The following TNXB variants were observed in gnomAD, a reference collection of about 807,000 sequenced individuals.
TNXB encodes the protein tenascin XB, also known as tenascin-X.
A neutral mutation model predicts 340.5 loss-of-function variants in TNXB; 183 were observed. The ratio of observed to expected loss-of-function variants is 0.54; its 90% confidence interval spans 0.48 to 0.61. The LOEUF is 0.61. Ranked by LOEUF, TNXB falls within the 20% of genes least tolerant of loss-of-function variation. The pLI, the probability that TNXB is intolerant of heterozygous loss-of-function variation, is 0.00. For missense variants in TNXB, 4,613 were observed against 5,446.4 expected (o/e 0.85, Z 4.82); for synonymous variants, 2,121 against 2,314.5 (o/e 0.92, Z 2.40).
intron 1 of TNXB, among the ~76,000 whole-genome samples, chr6:32,102,918 C>CA (rs1223733064): frequency 6.6e-6 from 1 of 151,460 alleles, no homozygotes; most frequent in Non-Finnish European, 1.5e-5. Flanking sequence ...GACTCTATGT[C>CA]AAAAAACAAA....
intron 4 of TNXB, among the ~76,000 whole-genome samples, chr6:32,094,751 C>T (rs564163046): frequency 7.9e-5 from 12 of 152,270 alleles, no homozygotes; most frequent in African/African-American, 9.6e-5. Flanking sequence ...CTAGGGCCAA[C>T]GGACAGGTGC....
In TNXB at chr6:32,061,827, A is replaced by C; in HGVS notation, c.7169-107T>G. The C allele has an allele frequency of 6.9e-7, 1 of 1,438,958 alleles. No individual in the cohort carries two copies. The highest frequency in any genetic ancestry group is 9.3e-7 in the Non-Finnish European group (1 of 1,069,578). 89.1% of individuals were successfully genotyped at this position (1,438,958 alleles called of 1,614,324 possible). A position where few individuals can be genotyped will look rare whatever the true frequency, so the allele number is the denominator to read the frequency against. On this transcript the variant is annotated intron_variant, in intron 20 of 43. Coordinates refer to ENST00000644971, the MANE Select transcript of TNXB (RefSeq NM_001365276.2). The surrounding 1 kb of genome is among the most constrained non-coding windows in gnomAD (Gnocchi z 4.4). ...TGACTAGGGGACATATGAAATAGCC[A>C]AGGCTATGACTAGGGGACCTGAGGT...
chr6:32,067,968 G>A lies in TNXB; in HGVS notation c.6237C>T (p.Thr2079=), dbSNP rs760066919. The A allele has an allele frequency of 5.0e-6, 8 of 1,611,460 alleles. No homozygotes were observed. Among genetic ancestry groups the A allele is most frequent in the South Asian group, 1.1e-5 (1 of 91,028 alleles). ...VVGVTAAEEE[T]PSPTEPSMEA... ...CCATGCTGGGTTCTGTGGGGCTGGG[G>A]GTCTCTTCCTCTGCAGCTGAGAAGG... Residue 2079 remains threonine, a synonymous_variant, in exon 18 of 44, where the codon ACC becomes ACT. Transcript: ENST00000644971. The surrounding 1 kb of genome is among the most constrained non-coding windows in gnomAD (Gnocchi z 4.2).
Position 32,058,167 on chromosome 6 carries a change from C to A in TNXB, c.7716G>T (p.Glu2572Asp). The change falls in exon 22 of 44, where the codon GAG (glutamate) becomes GAT (aspartate). Residue 2572 changes from glutamate to aspartate, a missense_variant. Glu to Asp is a conservative substitution (Grantham distance 45, BLOSUM62 2). Around this residue, in one of 7 missense-constraint regions of TNXB, gnomAD observed 4,327 missense variants for 4,859.4 expected, o/e 0.89. Transcript: ENST00000644971. This position sits in a 1 kb window ranked among gnomAD's most constrained non-coding sequence, Gnocchi z 5.1. ...RPQAVRVGGQ[E>D]SKVTVRGLEP... is the part of the protein sequence containing the mutation. Reference sequence around the variant, plus strand: ...CCAGGCCCCTCACAGTGACCTTGCTCTCCTGGCCCCCAACACGCACCGCCT... The same window carrying A: ...CCAGGCCCCTCACAGTGACCTTGCTATCCTGGCCCCCAACACGCACCGCCT... 2 of 1,612,666 alleles carry A rather than the reference C, an allele frequency of 1.2e-6. No individual in the cohort carries two copies. Among genetic ancestry groups the A allele is most frequent in the South Asian group, 1.1e-5 (1 of 91,056 alleles).
At chr6:32,057,073 A>C (rs1777706644) in intron 22 of TNXB, among the ~76,000 whole-genome samples, 170 bp from the exon 23 acceptor site, 1 of 150,706 alleles carries the variant, frequency 6.6e-6, no homozygotes, top group Non-Finnish European at 1.5e-5. Context: ...CCTATCCCTC[A>C]CCCTGACCCT....
chr6:32,057,274 C>T (rs965986266), intron 22 of TNXB, among the ~76,000 whole-genome samples: 1 of 152,212 alleles, frequency 6.6e-6, no homozygotes, highest in African/African-American at 2.4e-5. Flanking sequence ...GCTCAGCACA[C>T]TCCTCCCGAG....
chr6:32,048,544 G>T lies in TNXB; in HGVS notation c.9864C>A (p.Pro3288=). 1.9e-6 allele frequency: 3 copies of T among 1,574,016 alleles called. No homozygotes were observed. In the Admixed American group the frequency reaches 5.2e-5, roughly 27 times the overall value. ...TGTACTGTACCAGGAAGGAGTCAAA[G>T]GGGCCCTGGGCCACCGTCCATGAGA... ...VGLSWTVAQG[P]FDSFLVQYRD... The change falls in exon 29 of 44, where the codon CCC becomes CCA. Residue 3288 remains proline, a synonymous_variant. Transcript: ENST00000644971.
In TNXB at chr6:32,042,484, C is replaced by T. The variant is rs569152212; in HGVS notation, c.12181G>A (p.Asp4061Asn). 1.7e-5 allele frequency: 27 copies of T among 1,612,784 alleles called. No homozygotes were observed. In the South Asian group the frequency reaches 1.9e-4, roughly 11 times the overall value. ...NRERPLNVFC[D>N]METDGGGWLV... ...CAGCCGCCCCCATCAGTCTCCATGT[C>T]GCAAAACACGTTCAGGGGCCGCTCG... Residue 4061 changes from aspartate to asparagine, a missense_variant, in exon 40 of 44, where the codon GAC (aspartate) becomes AAC (asparagine). Physicochemically the swap from Asp to Asn is conservative, Grantham distance 23. Around this residue, in one of 7 missense-constraint regions of TNXB, gnomAD observed 121 missense variants for 177.4 expected, o/e 0.68. Transcript: ENST00000644971.
rs1232589427 is a variant in TNXB at position 32,095,138 on chromosome 6, G to C, written c.2296C>G (p.Arg766Gly). The change falls in exon 4 of 44, where the codon CGG becomes GGG. Residue 766 changes from arginine (R) to glycine (G), a missense_variant. Physicochemically the swap from Arg to Gly is moderately radical, Grantham distance 125. This residue lies in a region of TNXB where 4,327 missense variants were observed against 4,859.4 expected (regional missense o/e 0.89). Transcript: ENST00000644971. ...RMHLLEETTV[R>G]TEWTPAPGPV... ...CCAGGAGCCGGGGTCCACTCTGTCC[G>C]AACTGTTGTCTCCTCCAAGAGATGC... 7 of 1,549,998 alleles carry C rather than the reference G, an allele frequency of 4.5e-6. No homozygotes were observed. In the Admixed American group the frequency reaches 1.4e-4, roughly 30 times the overall value.
At chr6:32,060,918 C>T (rs923546689) in intron 21 of TNXB, among the ~76,000 whole-genome samples, 1 of 152,028 alleles carries the variant, frequency 6.6e-6, no homozygotes, top group Non-Finnish European at 1.5e-5. Context: ...GGATTACAGG[C>T]GTAAGCCACT....
At chr6:32,100,357 G>A (rs976951688) in intron 1 of TNXB, among the ~76,000 whole-genome samples, 2 of 152,096 alleles carry the variant, frequency 1.3e-5, no homozygotes, top group African/African-American at 4.8e-5. Context: ...CGCCCGCCTC[G>A]GCTTCCCAAA....
chr6:32,100,368 G>A (rs1562883359), intron 1 of TNXB, among the ~76,000 whole-genome samples: 1 of 152,154 alleles, frequency 6.6e-6, no homozygotes. Context: ...GCTTCCCAAA[G>A]TGCTAGGATT....
chr6:32,082,176 C>T lies in TNXB; in HGVS notation c.3596G>A (p.Arg1199Gln), dbSNP rs1349800834. 1.4e-5 allele frequency: 22 copies of T among 1,612,418 alleles called. No homozygotes were observed. The highest frequency in any genetic ancestry group is 2.2e-5 in the East Asian group (1 of 44,884). ...CCCTTCCACAGGTACCACCTGGGGC[C>T]GTCCATCCCTGTCCCTGTACTGGAC... ...FMVQYRDRDG[R>Q]PQVVPVEGPE... is the part of the protein sequence containing the mutation. Residue 1199 changes from arginine to glutamine, a missense_variant, in exon 9 of 44, where the codon CGG becomes CAG. This residue lies in a region of TNXB where 4,327 missense variants were observed against 4,859.4 expected (regional missense o/e 0.89). Transcript: ENST00000644971. The surrounding 1 kb of genome is among the most constrained non-coding windows in gnomAD (Gnocchi z 5.0).
chr6:32,070,414 A>G lies in TNXB; in HGVS notation c.4991T>C (p.Val1664Ala). 1.3e-6 allele frequency: 2 copies of G among 1,585,274 alleles called. No individual in the cohort carries two copies. Among genetic ancestry groups the G allele is most frequent in the South Asian group, 1.1e-5 (1 of 88,276 alleles). Residue 1664 changes from valine to alanine, a missense_variant and splice_region_variant, in exon 14 of 44, where the codon GTT becomes GCT. By Grantham distance (64) the Val-to-Ala change is moderately conservative (BLOSUM62 0). Around this residue, in one of 7 missense-constraint regions of TNXB, gnomAD observed 4,327 missense variants for 4,859.4 expected, o/e 0.89. Coordinates refer to ENST00000644971, the MANE Select transcript of TNXB (RefSeq NM_001365276.2). The surrounding 1 kb of genome is among the most constrained non-coding windows in gnomAD (Gnocchi z 6.0). ...RSPVSVEAKT[V>A]ARGDASPGAP... ...CCCTGGGCTGGCGTCACCTCGGGCA[A>G]CTGGAGAGGAAAGGTTCTTGTGTTT...
rs201874697 is a variant in TNXB, at chr6:32,049,520, C to T, written c.9507G>A (p.Leu3169=). ...EAPEAPEEPL[L]GELTVTGSSP... The stretch of plus-strand genomic sequence containing the variant: ...AGGATCCTGTCACTGTCAACTCCCC[C>T]AGGAGCGGCTCCTCAGGGGCCTCCG... The change falls in exon 28 of 44, where the codon CTG becomes CTA. Residue 3169 remains leucine, a synonymous_variant. Coordinates refer to ENST00000644971, the MANE Select transcript of TNXB (RefSeq NM_001365276.2). The surrounding 1 kb of genome is among the most constrained non-coding windows in gnomAD (Gnocchi z 4.5). The T allele has an allele frequency of 1.2e-6, 2 of 1,612,568 alleles. No homozygotes were observed. The highest frequency in any genetic ancestry group is 1.7e-6 in the Non-Finnish European group (2 of 1,179,854).
At position 32,073,093 on chromosome 6, in the gene TNXB, T is replaced by C. The variant is rs1004981082; in HGVS notation, c.4681+554A>G. 2.0e-5 allele frequency among the ~76,000 whole-genome samples: 3 copies of C among 152,026 alleles called. No homozygotes were observed. Among genetic ancestry groups the C allele is most frequent in the Admixed American group, 6.6e-5 (1 of 15,254 alleles). Reference sequence around the variant, plus strand: ...ACCAGATGCCACAGCACAACAATCATGGAGAACCTGTGCCCAGGAAGCCAT... The same window carrying C: ...ACCAGATGCCACAGCACAACAATCACGGAGAACCTGTGCCCAGGAAGCCAT... On this transcript the variant is annotated intron_variant, in intron 12 of 43. Coordinates refer to ENST00000644971, the MANE Select transcript of TNXB (RefSeq NM_001365276.2). The surrounding 1 kb of genome is among the most constrained non-coding windows in gnomAD (Gnocchi z 4.6).
At position 32,050,167 on chromosome 6, in the gene TNXB, G is replaced by T; in HGVS notation, c.9270C>A (p.Phe3090Leu). 11 of 1,613,892 alleles carry T rather than the reference G, an allele frequency of 6.8e-6. No homozygotes were observed. Among genetic ancestry groups the T allele is most frequent in the Non-Finnish European group, 9.3e-6 (11 of 1,179,890 alleles). ...WMVPEGQFDH[F>L]LVQYRNGDGQ... Reference sequence around the variant, plus strand: ...CATCCCCATTCCTGTACTGGACCAGGAAGTGGTCAAACTGGCCCTCGGGAA... The same window carrying T: ...CATCCCCATTCCTGTACTGGACCAGTAAGTGGTCAAACTGGCCCTCGGGAA... Residue 3090 changes from phenylalanine (F) to leucine (L), a missense_variant, in exon 27 of 44, where the codon TTC becomes TTA. By Grantham distance (22) the Phe-to-Leu change is conservative. Transcript: ENST00000644971.
At chr6:32,057,282 G>A (rs1025582357) in intron 22 of TNXB, among the ~76,000 whole-genome samples, 5 of 152,256 alleles carry the variant, frequency 3.3e-5, no homozygotes, top group South Asian at 4.1e-4. Flanking sequence ...CACTCCTCCC[G>A]AGGCCAGAGC....
chr6:32,102,492 A>T lies in TNXB; in HGVS notation c.-8-4286T>A, dbSNP rs373486496. ...TACATGCAACATGGGTGAATTTCAC[A>T]CACATAGTGCTGAGTAAAAAATATC... On this transcript the variant is annotated intron_variant, in intron 1 of 43. Coordinates refer to ENST00000644971, the MANE Select transcript of TNXB (RefSeq NM_001365276.2). Among the ~76,000 whole-genome samples, 6 of 152,342 alleles carry T rather than the reference A, an allele frequency of 3.9e-5. No individual in the cohort carries two copies. The South Asian group carries it at 1.2e-3, about 32-fold the overall frequency.
Sources: gnomAD v4.1 joint callset for allele counts (sites outside exome capture counted in the v4.1 genomes callset) on GRCh38, gnomAD v4.1.1 for gene constraint, gnomAD v4.1.1 regional missense constraint, Gnocchi (gnomAD v3.1) non-coding constraint, MANE v1.5 for transcripts, NCBI Gene and HGNC (gene_info 2026-07-23, HGNC 2026-07-21) for gene names.